EPHA6: variants seen among roughly 807,000 people sequenced by gnomAD.
EPHA6 encodes ephrin type-A receptor 6.
In EPHA6, 50 loss-of-function variants were observed where a neutral mutation model predicts 112.0. The observed-to-expected ratio is 0.45, with a 90% CI of 0.36 to 0.56. The LOEUF is 0.56. Ranked by LOEUF, EPHA6 falls within the 20% of genes least tolerant of loss-of-function variation. EPHA6 has a pLI of 0.00. For synonymous variants in EPHA6, 529 were observed against 490.7 expected, an observed-to-expected ratio of 1.08 and a Z score of -1.03; for missense variants, 1,280 against 1,417.4, an observed-to-expected ratio of 0.90 and a Z score of 1.56.
At chr3:97,728,094 A>G (rs772196159) in intron 15 of EPHA6, among the ~76,000 whole-genome samples, 28 of 152,046 alleles carry the variant, frequency 1.8e-4, no homozygotes, top group Non-Finnish European at 3.5e-4. Flanking sequence ...ATTCATTTTC[A>G]TGCTCTTTGG....
At chr3:97,539,026 T>TCTTTCTTG (rs1553805956) in intron 11 of EPHA6, among the ~76,000 whole-genome samples, 10 of 149,284 alleles carry the variant, frequency 6.7e-5, no homozygotes, top group Admixed American at 3.3e-4. Context: ...TTTCTTTCTT[T>TCTTTCTTG]CTTTCTTTCT....
intron 11 of EPHA6, among the ~76,000 whole-genome samples, chr3:97,586,543 TAAA>T (rs147109384): frequency 2.1e-5 from 3 of 145,572 alleles, no homozygotes; most frequent in Non-Finnish European, 4.5e-5. Flanking sequence ...TTACTATAAC[TAAA>T]AAAAAAAGAG....
chr3:97,263,528 T>C (rs1417320159), intron 5 of EPHA6, among the ~76,000 whole-genome samples: 1 of 150,880 alleles, frequency 6.6e-6, no homozygotes, highest in Admixed American at 6.8e-5. Context: ...TTTTCTTAAC[T>C]TACAATAATA....
chr3:97,554,997 G>C (rs569456122), intron 11 of EPHA6, among the ~76,000 whole-genome samples: 1 of 151,566 alleles, frequency 6.6e-6, no homozygotes, highest in African/African-American at 2.4e-5. Context: ...GGTTACATAT[G>C]TATACATGTG....
chr3:97,585,348 T>C (rs2093478138), intron 11 of EPHA6, among the ~76,000 whole-genome samples: 1 of 152,234 alleles, frequency 6.6e-6, no homozygotes, highest in African/African-American at 2.4e-5. Flanking sequence ...AACTCCAAAA[T>C]ATTTTAATTC....
chr3:97,358,782 A>G (rs1008343471), intron 5 of EPHA6, among the ~76,000 whole-genome samples: 1 of 152,092 alleles, frequency 6.6e-6, no homozygotes, highest in Non-Finnish European at 1.5e-5. Flanking sequence ...TTATCTGGGA[A>G]TATTTAATTT....
At chr3:97,117,586 T>C (rs2047926156) in intron 3 of EPHA6, among the ~76,000 whole-genome samples, 1 of 151,820 alleles carries the variant, frequency 6.6e-6, no homozygotes. Flanking sequence ...CTTTTCCTCA[T>C]TGTGTGTTCT....
chr3:97,636,749 AT>A (rs1206566158), intron 13 of EPHA6, among the ~76,000 whole-genome samples: 1 of 152,118 alleles, frequency 6.6e-6, no homozygotes, highest in Non-Finnish European at 1.5e-5. Context: ...TATTCATAAA[AT>A]CTGCTTTAAC....
chr3:97,515,504 C>A (rs761466061), intron 10 of EPHA6, among the ~76,000 whole-genome samples: 3 of 152,250 alleles, frequency 2.0e-5, no homozygotes, highest in South Asian at 2.1e-4. Flanking sequence ...AATGGAAAAT[C>A]AATTTCAATA....
intron 3 of EPHA6, among the ~76,000 whole-genome samples, chr3:97,138,691 C>T (rs1184818351): frequency 1.3e-5 from 2 of 152,336 alleles, no homozygotes; most frequent in East Asian, 3.9e-4. Flanking sequence ...GGAGGACCCT[C>T]CACTGTCCAA....
chr3:96,973,696 T>A (rs1408030926), intron 2 of EPHA6, among the ~76,000 whole-genome samples: 1 of 150,738 alleles, frequency 6.6e-6, no homozygotes, highest in Non-Finnish European at 1.5e-5. Context: ...CATGGTGGCA[T>A]GTACCTGTAA....
At chr3:96,997,789 A>G (rs1468471459) in intron 3 of EPHA6, among the ~76,000 whole-genome samples, 1 of 152,092 alleles carries the variant, frequency 6.6e-6, no homozygotes, top group Non-Finnish European at 1.5e-5. Flanking sequence ...AAAATTACCA[A>G]AATGTGATAT....
intron 11 of EPHA6, among the ~76,000 whole-genome samples, chr3:97,537,955 A>G (rs1228052692): frequency 6.6e-6 from 1 of 152,244 alleles, no homozygotes; most frequent in East Asian, 1.9e-4. Context: ...CTAAATATTT[A>G]AATGTAACTT....
At chr3:97,299,383 G>T (rs2081002636) in intron 5 of EPHA6, among the ~76,000 whole-genome samples, 1 of 151,988 alleles carries the variant, frequency 6.6e-6, no homozygotes, top group South Asian at 2.1e-4. Context: ...ATTAATTTAG[G>T]TTGACACCAG....
chr3:97,461,113 G>A (rs1369012623), intron 7 of EPHA6, among the ~76,000 whole-genome samples: 1 of 152,114 alleles, frequency 6.6e-6, no homozygotes, highest in East Asian at 1.9e-4. Context: ...TAGGCAACTG[G>A]CAAAAACTTC....
intron 3 of EPHA6, among the ~76,000 whole-genome samples, chr3:97,192,732 T>A (rs1001264272): frequency 6.6e-6 from 1 of 152,176 alleles, no homozygotes; most frequent in Non-Finnish European, 1.5e-5. Context: ...CCCAGTGTTT[T>A]CTTTTAGTAG....
At chr3:97,402,161 T>A (rs2087030866) in intron 5 of EPHA6, among the ~76,000 whole-genome samples, 1 of 152,086 alleles carries the variant, frequency 6.6e-6, no homozygotes, top group African/African-American at 2.4e-5. Context: ...TAACTATTAG[T>A]TAGGTCCATT....
At chr3:96,985,603 T>TA (rs1432295623) in intron 2 of EPHA6, among the ~76,000 whole-genome samples, 3 of 152,258 alleles carry the variant, frequency 2.0e-5, no homozygotes, top group Non-Finnish European at 2.9e-5. Context: ...TCACCCCTGG[T>TA]AAAAAATGTG....
At chr3:97,377,203 T>C (rs551461389) in intron 5 of EPHA6, among the ~76,000 whole-genome samples, 1 of 152,160 alleles carries the variant, frequency 6.6e-6, no homozygotes, top group African/African-American at 2.4e-5. Flanking sequence ...TAGGAGATAA[T>C]TTGAATCATA....
Sources: allele counts gnomAD v4.1 joint callset (sites outside exome capture counted in the v4.1 genomes callset), GRCh38; gene constraint gnomAD v4.1.1; transcripts MANE v1.5; gene names NCBI Gene and HGNC (gene_info 2026-07-23, HGNC 2026-07-21).